Variants in HERC2 observed in about 807,000 individuals in gnomAD.
HERC2 encodes the protein E3 ubiquitin-protein ligase HERC2.
HERC2 carries 102 observed loss-of-function variants against 537.7 expected under a neutral mutation model. The ratio of observed to expected loss-of-function variants is 0.19; its 90% CI spans 0.16 to 0.22. The LOEUF (loss-of-function observed/expected upper bound fraction) is 0.22, where lower values mean the gene tolerates loss of function less well. Ranked by LOEUF, HERC2 falls within the 10% of genes least tolerant of loss-of-function variation. HERC2 has a pLI of 1.00. For missense variants in HERC2, 4,236 were observed against 6,198.2 expected, an observed-to-expected ratio of 0.68 and a Z score of 10.63; for synonymous variants, 2,224 against 2,466.2, an observed-to-expected ratio of 0.90 and a Z score of 2.91.
rs1402491664 is a variant in HERC2 at position 28,254,425 on chromosome 15, C to T, written c.2965G>A (p.Asp989Asn). 1 of 1,609,060 alleles carries T rather than the reference C, an allele frequency of 6.2e-7. No homozygotes were observed. Among genetic ancestry groups the T allele is most frequent in the Non-Finnish European group, 8.5e-7 (1 of 1,177,788 alleles). Residue 989 changes from aspartate (D) to asparagine (N), a missense_variant, in exon 20 of 93, where the codon GAT (aspartate) becomes AAT (asparagine). Coordinates refer to ENST00000261609, the MANE Select transcript of HERC2 (RefSeq NM_004667.6). ...ATCCCCGTATTAATAAGGTCTTTAT[C>T]CAGTGGAGTCCTGCTTCTATGAAAT... ...STFHRSRTPL[D>N]KDLINTGICE...
intron 2 of HERC2, chr15:28,315,873 A>T: frequency 2.0e-6 from 1 of 497,580 alleles, no homozygotes; most frequent in Non-Finnish European, 4.0e-6. Flanking sequence ...CACTGTCTAG[A>T]GCTTGTCTCA....
intron 57 of HERC2, among the ~76,000 whole-genome samples, chr15:28,180,918 A>G (rs1895759953): frequency 6.6e-6 from 1 of 152,204 alleles, no homozygotes; most frequent in Non-Finnish European, 1.5e-5. Flanking sequence ...ACACTGTTTT[A>G]TATCAGGGAC....
intron 72 of HERC2, 76 bp from the exon 73 acceptor site, chr15:28,144,311 G>A: frequency 6.6e-7 from 1 of 1,511,694 alleles, no homozygotes; most frequent in Non-Finnish European, 9.0e-7. Context: ...CAACGAACAA[G>A]GGTGGCTCCA....
chr15:28,171,932 G>A (rs1192496274), intron 65 of HERC2, among the ~76,000 whole-genome samples: 3 of 151,768 alleles, frequency 2.0e-5, no homozygotes, highest in Admixed American at 6.6e-5. Context: ...AAAATTAGCC[G>A]GGCGTGGTGG....
At chr15:28,175,692 G>T (rs1895214057) in intron 63 of HERC2, 36 bp from the exon 64 acceptor site, 3 of 1,609,762 alleles carry the variant, frequency 1.9e-6, no homozygotes, top group Non-Finnish European at 1.7e-6. Context: ...TTACAATACG[G>T]TTATGGTCTG....
In HERC2 at chr15:28,256,963, G is replaced by C. The variant is rs147020948; in HGVS notation, c.2517+98C>G. The C allele has an allele frequency of 1.1e-4, 109 of 999,866 alleles. 1 individual carries two copies. The East Asian group carries it at 2.6e-3, about 23-fold the overall frequency. 61.9% of individuals were successfully genotyped at this position (999,866 alleles called of 1,614,324 possible). The stretch of plus-strand genomic sequence containing the variant: ...CAATCTTACTTTAAAATATTTCACC[G>C]AACAGGCTAAAACCCATGCCCTTCA... On this transcript the variant is annotated intron_variant, in intron 17 of 92. Transcript: ENST00000261609.
intron 1 of HERC2, among the ~76,000 whole-genome samples, chr15:28,321,672 G>A (rs1483047876): frequency 8.4e-6 from 1 of 119,396 alleles, no homozygotes; most frequent in Non-Finnish European, 1.6e-5. Flanking sequence ...AGGTAAGCAG[G>A]GTGTGCCGAG....
chr15:28,227,456 CA>C (rs1233124884), intron 35 of HERC2, among the ~76,000 whole-genome samples: 106 of 97,680 alleles, frequency 1.1e-3, no homozygotes, highest in South Asian at 2.1e-3. Context: ...GGCCTTCATC[CA>C]AAAAAAAAAA....
chr15:28,214,512 G>A (rs1899654938), intron 40 of HERC2, 143 bp downstream of exon 40: 3 of 1,160,158 alleles, frequency 2.6e-6, no homozygotes, highest in African/African-American at 1.6e-5. Flanking sequence ...CAGGGCACAG[G>A]GAAGGGAGAC....
At chr15:28,246,962 T>C in intron 21 of HERC2, 65 bp from the exon 22 acceptor site, 1 of 1,322,882 alleles carries the variant, frequency 7.6e-7, no homozygotes, top group East Asian at 2.3e-5. Flanking sequence ...ACAAACTAAC[T>C]GCTCCATGAT....
At chr15:28,286,564 A>G (rs1032664392) in intron 4 of HERC2, among the ~76,000 whole-genome samples, 9 of 152,212 alleles carry the variant, frequency 5.9e-5, no homozygotes, top group African/African-American at 9.6e-5. Context: ...TTCAATACTC[A>G]TGAATGATAA....
At chr15:28,228,129 T>TAA (rs367658561) in intron 35 of HERC2, 89 bp downstream of exon 35, 1,683 of 933,202 alleles carry the variant, frequency 1.8e-3, no homozygotes, top group Non-Finnish European at 2.1e-3. Context: ...CAAAAAGCTT[T>TAA]AAAAAAAAAA....
At chr15:28,266,746 G>T (rs1207739206) in intron 12 of HERC2, among the ~76,000 whole-genome samples, 1 of 152,160 alleles carries the variant, frequency 6.6e-6, no homozygotes. Context: ...CAGATCAGAG[G>T]TTGTCAGGAA....
At position 28,262,866 on chromosome 15, in the gene HERC2, A is replaced by G. The variant is rs201109183; in HGVS notation, c.2122+52T>C. The G allele has an allele frequency of 4.3e-4, 676 of 1,555,248 alleles. 4 individuals carry two copies. The highest frequency in any genetic ancestry group is 3.5e-4 in the Admixed American group (18 of 52,068). ...ACATAAAACCTGCTAACTTTAAAAC[A>G]TTACTAAAGAAACTGTCCTGAAGGG... On this transcript the variant is annotated intron_variant, in intron 15 of 92. Transcript: ENST00000261609.
At chr15:28,152,309 A>C (rs187027574) in intron 70 of HERC2, among the ~76,000 whole-genome samples, 5 of 152,356 alleles carry the variant, frequency 3.3e-5, no homozygotes, top group South Asian at 2.1e-4. Context: ...ACACGTGGGT[A>C]ACAGAAGCTG....
chr15:28,257,913 T>A (rs961119867), intron 16 of HERC2, among the ~76,000 whole-genome samples: 1 of 151,866 alleles, frequency 6.6e-6, no homozygotes, highest in Non-Finnish European at 1.5e-5. Context: ...CTCCATCACC[T>A]GACCTCATGA....
chr15:28,213,057 C>CAAA (rs1899443181), intron 42 of HERC2, among the ~76,000 whole-genome samples: 1 of 140,242 alleles, frequency 7.1e-6, no homozygotes, highest in African/African-American at 2.7e-5. Flanking sequence ...ACTAAAAATA[C>CAAA]AAAATTAGCC....
At chr15:28,270,244 TATAG>T (rs200317563) in intron 10 of HERC2, among the ~76,000 whole-genome samples, 3,861 of 151,250 alleles carry the variant, frequency 0.026, 129 homozygotes, top group African/African-American at 0.076. Context: ...TTTATTTATT[TATAG>T]ATAGATAGAT....
At chr15:28,192,175 G>A in intron 52 of HERC2, 24 bp from the exon 53 acceptor site, 2 of 1,590,180 alleles carry the variant, frequency 1.3e-6, no homozygotes, top group Non-Finnish European at 1.7e-6. Flanking sequence ...GTCAAAAAGA[G>A]AATTAACCCT....
Sources: gnomAD v4.1 joint callset for allele counts (sites outside exome capture counted in the v4.1 genomes callset) on GRCh38, gnomAD v4.1.1 for gene constraint, MANE v1.5 for transcripts, NCBI Gene and HGNC (gene_info 2026-07-23, HGNC 2026-07-21) for gene names.